The following ZNF385D variants were observed in gnomAD, a reference collection of about 807,000 sequenced individuals.
ZNF385D encodes the protein zinc finger protein 659.
Under a neutral mutation model 35.8 loss-of-function variants are expected in ZNF385D, and 15 were observed. That is an observed-to-expected ratio of 0.42 (90% CI 0.28 to 0.64). The LOEUF (loss-of-function observed/expected upper bound fraction) is 0.64, where lower values mean the gene tolerates loss of function less well. Ranked by LOEUF, ZNF385D falls within the 30% of genes least tolerant of loss-of-function variation. The pLI is 0.23. For synonymous variants in ZNF385D, 212 were observed against 186.8 expected (o/e 1.13, Z -1.10); for missense variants, 474 against 494.6 (o/e 0.96, Z 0.39).
Position 21,983,321 on chromosome 3 carries a change from C to T in ZNF385D, c.325+185496G>A, listed in dbSNP as rs1452683860. On this transcript the variant is annotated intron_variant, in intron 3 of 5. Coordinates refer to the ZNF385D transcript ENST00000494108. The stretch of plus-strand genomic sequence containing the variant: ...CAATGCTATCCCTCCCCCCTCCCCC[C>T]ACCACACCACAGTCCCCAGAGTGTG... 5.1e-3 allele frequency among the ~76,000 whole-genome samples: 650 copies of T among 127,424 alleles called. 6 individuals carry two copies. Among genetic ancestry groups the T allele is most frequent in the African/African-American group, 0.018 (620 of 35,016 alleles). 83.6% of individuals were successfully genotyped at this position (127,424 alleles called of 152,430 possible).
intron 2 of ZNF385D, among the ~76,000 whole-genome samples, chr3:22,275,589 T>C (rs1701385452): frequency 6.6e-6 from 1 of 152,164 alleles, no homozygotes; most frequent in East Asian, 1.9e-4. Flanking sequence ...TCTAGGTTAA[T>C]ATTCTTATCT....
chr3:22,269,495 G>A lies in ZNF385D; in HGVS notation c.107-100460C>T, dbSNP rs145903796. 1.4e-4 allele frequency among the ~76,000 whole-genome samples: 21 copies of A among 152,020 alleles called. No individual in the cohort carries two copies. In the East Asian group the frequency reaches 4.1e-3, roughly 30 times the overall value. ...CTAGGAAACAGCCAAGGAAGTTTAG[G>A]TCCTGTCTGATGACTTTGGCATGAC... On this transcript the variant is annotated intron_variant, in intron 2 of 5. Transcript: ENST00000494108.
intron 2 of ZNF385D, among the ~76,000 whole-genome samples, chr3:21,608,600 G>A (rs60607381): frequency 0.028 from 4,255 of 152,184 alleles, 116 homozygotes; most frequent in South Asian, 0.11. Flanking sequence ...AAATTAATAC[G>A]TGGAAAGCAG....
At chr3:22,062,225 T>C (rs1055355501) in intron 3 of ZNF385D, among the ~76,000 whole-genome samples, 1 of 152,084 alleles carries the variant, frequency 6.6e-6, no homozygotes, top group Non-Finnish European at 1.5e-5. Context: ...TTTTTATTTT[T>C]ATTTTTATTT....
At chr3:21,549,656 A>G (rs1052427274) in intron 3 of ZNF385D, among the ~76,000 whole-genome samples, 3 of 152,174 alleles carry the variant, frequency 2.0e-5, no homozygotes, top group Non-Finnish European at 4.4e-5. Flanking sequence ...AGGTTCTCAG[A>G]TGTGTCTCTT....
chr3:22,111,173 T>G lies in ZNF385D; in HGVS notation c.325+57644A>C, dbSNP rs1017035347. Among the ~76,000 whole-genome samples, 42 of 102,440 alleles carry G rather than the reference T, an allele frequency of 4.1e-4. No homozygotes were observed. In the East Asian group the frequency reaches 4.1e-3, roughly 10 times the overall value. 67.2% of individuals were successfully genotyped at this position (102,440 alleles called of 152,430 possible). On this transcript the variant is annotated intron_variant, in intron 3 of 5. Coordinates refer to the ZNF385D transcript ENST00000494108. ...TTGGATTTTTTTTTTTTTTTTTTTT[T>G]TTTGTTTTTTTTGTACTCTCAGGAG...
intron 2 of ZNF385D, among the ~76,000 whole-genome samples, chr3:22,243,124 A>T (rs189887955): frequency 6.6e-6 from 1 of 151,002 alleles, no homozygotes; most frequent in African/African-American, 2.5e-5. Flanking sequence ...TGCAAATCAT[A>T]TATGTGGTAA....
At position 21,732,023 on chromosome 3, in the gene ZNF385D, T is replaced by C. The variant is rs1277135135; in HGVS notation, c.22+18872A>G. Reference sequence around the variant, plus strand: ...GCTTCTATTCAGGGTTTTTTTCTTTTTTCGGGGTTTTTTTTTTTTTTTTTT... The same window carrying C: ...GCTTCTATTCAGGGTTTTTTTCTTTCTTCGGGGTTTTTTTTTTTTTTTTTT... On this transcript the variant is annotated intron_variant, in intron 1 of 7. Transcript: ENST00000281523. Among the ~76,000 whole-genome samples, 69 of 134,216 alleles carry C rather than the reference T, an allele frequency of 5.1e-4. 6 individuals carry two copies. The highest frequency in any genetic ancestry group is 1.6e-3 in the African/African-American group (58 of 35,542). 88.1% of individuals were successfully genotyped at this position (134,216 alleles called of 152,430 possible).
At chr3:21,974,124 G>A (rs978793529) in intron 3 of ZNF385D, among the ~76,000 whole-genome samples, 31 of 151,896 alleles carry the variant, frequency 2.0e-4, no homozygotes, top group Non-Finnish European at 2.9e-4. Flanking sequence ...GCTATCCTGA[G>A]CAAAAATTTG....
At chr3:21,859,301 T>C (rs1291315949) in intron 3 of ZNF385D, among the ~76,000 whole-genome samples, 1 of 151,904 alleles carries the variant, frequency 6.6e-6, no homozygotes, top group African/African-American at 2.4e-5. Flanking sequence ...GAAGAAAGCT[T>C]GGAACAAAAG....
intron 3 of ZNF385D, among the ~76,000 whole-genome samples, chr3:22,059,002 A>G (rs1174397575): frequency 2.0e-5 from 3 of 152,250 alleles, no homozygotes; most frequent in South Asian, 4.1e-4. Context: ...TCACCCCTAA[A>G]CCTCCTACTA....
At chr3:22,338,243 CAGT>C (rs1418618246) in intron 2 of ZNF385D, among the ~76,000 whole-genome samples, 3 of 152,116 alleles carry the variant, frequency 2.0e-5, no homozygotes, top group African/African-American at 7.2e-5. Context: ...GTTTTATGTA[CAGT>C]ATAAAACTTG....
At chr3:21,528,257 TA>T (rs1274687818) in intron 3 of ZNF385D, among the ~76,000 whole-genome samples, 1 of 151,368 alleles carries the variant, frequency 6.6e-6, no homozygotes, top group African/African-American at 2.4e-5. Context: ...CACCAGAAAC[TA>T]AATAGAAAAA....
intron 3 of ZNF385D, among the ~76,000 whole-genome samples, chr3:22,006,655 G>C (rs1696227047): frequency 6.6e-6 from 1 of 151,868 alleles, no homozygotes; most frequent in Non-Finnish European, 1.5e-5. Context: ...AAATAGAAGA[G>C]ACATTAAGAA....
At chr3:21,598,942 G>A (rs2064202850) in intron 2 of ZNF385D, among the ~76,000 whole-genome samples, 1 of 152,142 alleles carries the variant, frequency 6.6e-6, no homozygotes, top group South Asian at 2.1e-4. Flanking sequence ...GAACAACTAG[G>A]TGTCTTTAGG....
chr3:21,998,822 G>T (rs1342802789), intron 3 of ZNF385D, among the ~76,000 whole-genome samples: 1 of 152,152 alleles, frequency 6.6e-6, no homozygotes, highest in Non-Finnish European at 1.5e-5. Context: ...TGTCAAGGGA[G>T]TTTGTTGTAA....
At chr3:21,871,252 C>T (rs986849278) in intron 3 of ZNF385D, among the ~76,000 whole-genome samples, 1 of 152,116 alleles carries the variant, frequency 6.6e-6, no homozygotes, top group Non-Finnish European at 1.5e-5. Context: ...CTCACTTTCT[C>T]CAGAGATCTG....
chr3:21,513,457 C>T (rs187255880), intron 3 of ZNF385D, among the ~76,000 whole-genome samples: 1 of 151,934 alleles, frequency 6.6e-6, no homozygotes, highest in Admixed American at 6.6e-5. Flanking sequence ...AATGACAGTA[C>T]CAAAACACCT....
At chr3:22,170,139 G>A (rs1694311266) in intron 2 of ZNF385D, among the ~76,000 whole-genome samples, 1 of 152,126 alleles carries the variant, frequency 6.6e-6, no homozygotes, top group South Asian at 2.1e-4. Context: ...TCTTTAAGGA[G>A]TTATTTTAAA....
Sources: allele counts gnomAD v4.1 joint callset (sites outside exome capture counted in the v4.1 genomes callset), GRCh38; gene constraint gnomAD v4.1.1; transcripts MANE v1.5; gene names NCBI Gene and HGNC (gene_info 2026-07-23, HGNC 2026-07-21).